Variants in ILKAP observed in about 807,000 individuals in gnomAD.
ILKAP encodes ILK associated serine/threonine phosphatase.
ILKAP carries 11 observed loss-of-function variants against 49.1 expected under a neutral mutation model. That is an observed-to-expected ratio of 0.22 (90% CI 0.14 to 0.37). The LOEUF (loss-of-function observed/expected upper bound fraction) is 0.37, where lower values mean the gene tolerates loss of function less well. Ranked by LOEUF, ILKAP falls within the 10% of genes least tolerant of loss-of-function variation. The pLI, the probability that ILKAP is intolerant of heterozygous loss-of-function variation, is 1.00. For missense variants in ILKAP, 363 were observed against 510.8 expected (o/e 0.71, Z 2.79); for synonymous variants, 186 against 192.8 (o/e 0.96, Z 0.29).
At chr2:238,203,283 G>T (rs1444527806) in intron 1 of ILKAP, among the ~76,000 whole-genome samples, 1 of 150,830 alleles carries the variant, frequency 6.6e-6, no homozygotes, top group African/African-American at 2.4e-5. Flanking sequence ...TAGCGAAAAT[G>T]GCGGAGCGGC....
intron 9 of ILKAP, among the ~76,000 whole-genome samples, chr2:238,176,135 C>CTTTTG (rs557459432): frequency 4.1e-5 from 4 of 98,014 alleles, no homozygotes; most frequent in Non-Finnish European, 7.3e-5. Context: ...CAAGTAGTGG[C>CTTTTG]TTTTTTTTTT....
intron 3 of ILKAP, among the ~76,000 whole-genome samples, chr2:238,191,637 G>A (rs915554950): frequency 1.3e-5 from 2 of 152,196 alleles, no homozygotes; most frequent in Non-Finnish European, 1.5e-5. Context: ...GCCAGGTGTG[G>A]TGGTTCACAC....
intron 1 of ILKAP, among the ~76,000 whole-genome samples, chr2:238,197,523 A>G (rs1040200180): frequency 6.6e-6 from 1 of 152,178 alleles, no homozygotes; most frequent in Non-Finnish European, 1.5e-5. Context: ...AGGTCTTTCC[A>G]CTGCCACTGT....
At chr2:238,197,814 T>A (rs1016194779) in intron 1 of ILKAP, among the ~76,000 whole-genome samples, 1 of 152,226 alleles carries the variant, frequency 6.6e-6, no homozygotes, top group Non-Finnish European at 1.5e-5. Context: ...CTAAAAATGA[T>A]AATACTGCCT....
At position 238,188,212 on chromosome 2, in the gene ILKAP, T is replaced by C; in HGVS notation, c.344A>G (p.Lys115Arg). The change falls in exon 5 of 12, where the codon AAG becomes AGG. Residue 115 changes from lysine to arginine, a missense_variant. Lys to Arg is a conservative substitution (Grantham distance 26, BLOSUM62 2). Coordinates refer to ENST00000254654, the MANE Select transcript of ILKAP (RefSeq NM_030768.3). ...FGLKGYVAER[K>R]GEREEMQDAH... ...ATCCTGCATCTCCTCCCTCTCACCC[T>C]TCCGCTCAGCCACATAGCCCTTCAG... 1 of 1,613,992 alleles carries C rather than the reference T, an allele frequency of 6.2e-7. No homozygotes were observed. The highest frequency in any genetic ancestry group is 8.5e-7 in the Non-Finnish European group (1 of 1,179,960).
intron 10 of ILKAP, 33 bp downstream of exon 10, chr2:238,173,499 GCA>G: frequency 6.3e-7 from 1 of 1,593,404 alleles, no homozygotes; most frequent in Non-Finnish European, 8.5e-7. Flanking sequence ...AAACCCACAT[GCA>G]CACACACCTG....
intron 4 of ILKAP, 78 bp downstream of exon 4, chr2:238,189,774 AG>A: frequency 1.5e-6 from 2 of 1,338,128 alleles, no homozygotes; most frequent in South Asian, 2.6e-5. Flanking sequence ...AAGTATTATT[AG>A]AAAGCTGAAA....
chr2:238,197,071 C>T (rs1694373566), intron 1 of ILKAP, among the ~76,000 whole-genome samples: 1 of 152,186 alleles, frequency 6.6e-6, no homozygotes, highest in Admixed American at 6.5e-5. Flanking sequence ...TGGCGGGTGC[C>T]TGTAGCCCCA....
At position 238,194,834 on chromosome 2, in the gene ILKAP, T is replaced by A; in HGVS notation, c.92A>T (p.Asp31Val). The part of the protein sequence containing the change: ...EAQKGPLLFD[D>V]LPPASSTDSG... ...GTCAGTACTGCTGGCCGGAGGGAGGTCATCAAAGAGCAGGGGTCCTTTCTG... is the reference window on the plus strand; with the variant it reads ...GTCAGTACTGCTGGCCGGAGGGAGGACATCAAAGAGCAGGGGTCCTTTCTG... The change falls in exon 2 of 12, where the codon GAC becomes GTC. Residue 31 changes from aspartate to valine, a missense_variant. Transcript: ENST00000254654. 1.2e-6 allele frequency: 2 copies of A among 1,613,774 alleles called. No homozygotes were observed. The highest frequency in any genetic ancestry group is 2.2e-5 in the South Asian group (2 of 91,064).
intron 8 of ILKAP, 76 bp downstream of exon 8, chr2:238,183,577 T>C: frequency 3.9e-6 from 4 of 1,031,588 alleles, no homozygotes; most frequent in Non-Finnish European, 6.0e-6. Flanking sequence ...TTTAATCTTA[T>C]TCAACAAGTA....
At chr2:238,175,533 C>A (rs1693412671) in intron 9 of ILKAP, among the ~76,000 whole-genome samples, 1 of 152,168 alleles carries the variant, frequency 6.6e-6, no homozygotes, top group African/African-American at 2.4e-5. Context: ...GGCACTATGC[C>A]TACACTCAAT....
intron 1 of ILKAP, among the ~76,000 whole-genome samples, chr2:238,197,058 T>C (rs1312641889): frequency 6.6e-6 from 1 of 152,170 alleles, no homozygotes; most frequent in South Asian, 2.1e-4. Context: ...TAGCTAGGCA[T>C]GGTGGCGGGT....
chr2:238,187,219 C>T (rs1487644221), intron 5 of ILKAP, among the ~76,000 whole-genome samples: 1 of 152,212 alleles, frequency 6.6e-6, no homozygotes, highest in Admixed American at 6.5e-5. Flanking sequence ...TGCCACTGTA[C>T]TCCAGCCTGA....
intron 3 of ILKAP, among the ~76,000 whole-genome samples, chr2:238,192,927 C>T (rs963977358): frequency 4.6e-5 from 7 of 151,370 alleles, no homozygotes; most frequent in Admixed American, 3.9e-4. Context: ...GCAGGAGAAT[C>T]GCTTAAACCC....
chr2:238,192,830 T>C (rs747931444), intron 3 of ILKAP, among the ~76,000 whole-genome samples: 3 of 151,820 alleles, frequency 2.0e-5, no homozygotes, highest in African/African-American at 7.3e-5. Context: ...CTGGCCAATA[T>C]GGGAAAACCC....
intron 3 of ILKAP, 50 bp from the exon 4 acceptor site, chr2:238,190,022 A>T (rs1198809670): frequency 6.3e-7 from 1 of 1,599,638 alleles, no homozygotes; most frequent in East Asian, 2.2e-5. Flanking sequence ...GACTGTTGGA[A>T]AAAGTCACTA....
chr2:238,181,148 T>C (rs974012737), intron 9 of ILKAP, among the ~76,000 whole-genome samples: 2 of 152,202 alleles, frequency 1.3e-5, no homozygotes, highest in Non-Finnish European at 2.9e-5. Flanking sequence ...ACTGACTAGA[T>C]TCAGCCTGGA....
chr2:238,190,043 C>A, intron 3 of ILKAP, 71 bp from the exon 4 acceptor site: 1 of 1,531,640 alleles, frequency 6.5e-7, no homozygotes, highest in Non-Finnish European at 8.9e-7. Context: ...GTAGACTGGG[C>A]TTCATCCTAG....
At chr2:238,183,084 C>T (rs1693762789) in intron 8 of ILKAP, among the ~76,000 whole-genome samples, 1 of 152,124 alleles carries the variant, frequency 6.6e-6, no homozygotes, top group African/African-American at 2.4e-5. Context: ...GGTCTGCATC[C>T]AGCTTTCCGC....
Sources: gnomAD v4.1 joint callset for allele counts (sites outside exome capture counted in the v4.1 genomes callset) on GRCh38, gnomAD v4.1.1 for gene constraint, MANE v1.5 for transcripts, NCBI Gene and HGNC (gene_info 2026-07-23, HGNC 2026-07-21) for gene names.